Variants in WASHC5 observed in about 807,000 individuals in gnomAD.
WASHC5 encodes the protein WASH complex subunit strumpellin.
A neutral mutation model predicts 150.4 loss-of-function variants in WASHC5; 101 were observed. That is an observed-to-expected ratio of 0.67 (90% CI 0.57 to 0.79). The LOEUF (loss-of-function observed/expected upper bound fraction) is 0.79. Among genes scored for constraint, WASHC5 ranks in the 30% least tolerant of loss-of-function variants. The pLI, the probability that WASHC5 is intolerant of heterozygous loss-of-function variation, is 0.00. For synonymous variants in WASHC5, 467 were observed against 491.2 expected (o/e 0.95, Z 0.65); for missense variants, 1,195 against 1,396.3 (o/e 0.86, Z 2.30).
chr8:125,043,749 G>T, intron 23 of WASHC5, 76 bp downstream of exon 23: 3 of 987,694 alleles, frequency 3.0e-6, no homozygotes, highest in Non-Finnish European at 4.7e-6. Flanking sequence ...AGCTTTTTTT[G>T]GGCAACAAAG....
intron 23 of WASHC5, among the ~76,000 whole-genome samples, chr8:125,040,511 C>A (rs946421135): frequency 6.6e-6 from 1 of 152,152 alleles, no homozygotes; most frequent in Admixed American, 6.5e-5. Context: ...GCTGTGCCCC[C>A]ACCCAAATTT....
At position 125,083,139 on chromosome 8, in the gene WASHC5, T is replaced by C; in HGVS notation, c.306A>G (p.Val102=). 6.4e-7 allele frequency: 1 copy of C among 1,556,926 alleles called. No individual in the cohort carries two copies. Among genetic ancestry groups the C allele is most frequent in the Non-Finnish European group, 8.9e-7 (1 of 1,128,810 alleles). Residue 102 remains valine, a synonymous_variant, in exon 3 of 29, where the codon GTA becomes GTG. Transcript: ENST00000318410. The part of the protein sequence containing the change: ...VTRFYLAFQS[V]HKYIVDLNRY... ...TGTTTAAGTCTACAATATATTTATG[T>C]ACACTTTGAAATGCTAAATAAAATC... is the stretch of plus-strand genomic sequence containing the variant.
At chr8:125,051,738 T>TTAG (rs1327567183) in intron 17 of WASHC5, among the ~76,000 whole-genome samples, 9 of 152,008 alleles carry the variant, frequency 5.9e-5, no homozygotes, top group Non-Finnish European at 1.0e-4. Context: ...AAATACAAAA[T>TTAG]TAGTCGGGCG....
intron 28 of WASHC5, 122 bp downstream of exon 28, chr8:125,028,498 G>A: frequency 5.8e-6 from 4 of 694,280 alleles, no homozygotes; most frequent in South Asian, 4.5e-5. Flanking sequence ...GAGCAGTGGC[G>A]AGAGGCGCAG....
At chr8:125,058,958 A>G (rs1385861405) in intron 14 of WASHC5, among the ~76,000 whole-genome samples, 1 of 152,198 alleles carries the variant, frequency 6.6e-6, no homozygotes, top group Non-Finnish European at 1.5e-5. Flanking sequence ...TAGTACACAG[A>G]TAAAACTTAA....
At chr8:125,047,639 T>C (rs746513225) in intron 19 of WASHC5, among the ~76,000 whole-genome samples, 1 of 152,106 alleles carries the variant, frequency 6.6e-6, no homozygotes, top group African/African-American at 2.4e-5. Context: ...GGTTTCACCA[T>C]GTTGGCTAGG....
chr8:125,035,667 A>T (rs1029837487), intron 26 of WASHC5, among the ~76,000 whole-genome samples: 2 of 152,224 alleles, frequency 1.3e-5, no homozygotes, highest in Non-Finnish European at 2.9e-5. Flanking sequence ...TACAGCAAGT[A>T]TTGTTTGAGG....
intron 15 of WASHC5, among the ~76,000 whole-genome samples, chr8:125,057,211 T>C (rs185280421): frequency 4.9e-4 from 74 of 152,330 alleles, no homozygotes; most frequent in Non-Finnish European, 8.8e-4. Flanking sequence ...AAACCTGAAC[T>C]GGGCTCTGAC....
chr8:125,090,670 T>C (rs1354248724), intron 1 of WASHC5, among the ~76,000 whole-genome samples: 2 of 152,212 alleles, frequency 1.3e-5, no homozygotes, highest in African/African-American at 2.4e-5. Flanking sequence ...CTTACACCAA[T>C]TACCCTGAGT....
Position 125,057,578 on chromosome 8 carries a change from T to C in WASHC5, c.1853A>G (p.Glu618Gly), listed in dbSNP as rs1467718641. ...LLSVSQYYSG[E>G]LVSYVRKVLQ... ...TACTTTTCTCACATAGGATACCAACTCTCCAGAATAGTACTGTGACACGCT... is the reference window on the plus strand; with the variant it reads ...TACTTTTCTCACATAGGATACCAACCCTCCAGAATAGTACTGTGACACGCT... The change falls in exon 15 of 29, where the codon GAG becomes GGG. Residue 618 changes from glutamate (E) to glycine (G), a missense_variant. Around this residue, in one of 3 missense-constraint regions of WASHC5, gnomAD observed 997 missense variants for 1,168.1 expected, o/e 0.85. Coordinates refer to ENST00000318410, the MANE Select transcript of WASHC5 (RefSeq NM_014846.4). 1.9e-6 allele frequency: 3 copies of C among 1,610,062 alleles called. No individual in the cohort carries two copies. In the African/African-American group the frequency reaches 4.0e-5, roughly 22 times the overall value.
At chr8:125,044,778 C>G in intron 20 of WASHC5, 80 bp from the exon 21 acceptor site, 1 of 1,370,254 alleles carries the variant, frequency 7.3e-7, no homozygotes, top group Non-Finnish European at 1.0e-6. Context: ...ACAGGACATG[C>G]GGCACCAAAT....
intron 10 of WASHC5, among the ~76,000 whole-genome samples, 179 bp from the exon 11 acceptor site, chr8:125,063,830 G>T (rs370471626): frequency 6.6e-6 from 1 of 152,118 alleles, no homozygotes; most frequent in Non-Finnish European, 1.5e-5. Context: ...CAGGGACAAA[G>T]CCAGACCACC....
At chr8:125,067,755 G>A in intron 9 of WASHC5, 36 bp from the exon 10 acceptor site, 1 of 1,605,634 alleles carries the variant, frequency 6.2e-7, no homozygotes, top group African/African-American at 1.3e-5. Flanking sequence ...CTTACTAAAT[G>A]TGTAGAAAAT....
At chr8:125,074,942 C>T (rs2130172143) in intron 8 of WASHC5, 56 bp downstream of exon 8, 12 of 998,582 alleles carry the variant, frequency 1.2e-5, no homozygotes, top group Non-Finnish European at 1.9e-5. Context: ...AGCTTATTTG[C>T]TACTTCATAA....
intron 23 of WASHC5, among the ~76,000 whole-genome samples, chr8:125,041,378 G>A (rs1815881104): frequency 1.3e-5 from 2 of 152,282 alleles, no homozygotes; most frequent in South Asian, 4.1e-4. Flanking sequence ...AGGGGCTCAC[G>A]CCTGCAATCC....
intron 8 of WASHC5, 68 bp from the exon 9 acceptor site, chr8:125,073,392 T>A: frequency 7.9e-7 from 1 of 1,266,658 alleles, no homozygotes; most frequent in Admixed American, 1.8e-5. Context: ...CACATTCAAA[T>A]GAATTCACTG....
intron 26 of WASHC5, among the ~76,000 whole-genome samples, chr8:125,036,601 G>T (rs988635798): frequency 3.5e-5 from 5 of 144,224 alleles, no homozygotes; most frequent in African/African-American, 1.5e-4. Flanking sequence ...GAGCACGAGA[G>T]GTCAAGGCCA....
intron 7 of WASHC5, among the ~76,000 whole-genome samples, chr8:125,075,385 T>C (rs1353975426): frequency 1.3e-5 from 2 of 151,926 alleles, no homozygotes; most frequent in Non-Finnish European, 2.9e-5. Flanking sequence ...TTCTCACCAG[T>C]TGTTTTATTG....
chr8:125,063,684 A>C lies in WASHC5; in HGVS notation c.1279-33T>G, dbSNP rs1440316191. The C allele has an allele frequency of 2.5e-6, 4 of 1,608,386 alleles. No individual in the cohort carries two copies. The Admixed American group carries it at 5.0e-5, about 20-fold the overall frequency. On this transcript the variant is annotated intron_variant, in intron 10 of 28. Transcript: ENST00000318410. ...AGCAACAGAAAATATTTATTTACTT[A>C]AGAGAAAAATCCAGACTAGGCAGCT...
Sources: allele counts gnomAD v4.1 joint callset (sites outside exome capture counted in the v4.1 genomes callset), GRCh38; gene constraint gnomAD v4.1.1; regional missense constraint gnomAD v4.1.1; transcripts MANE v1.5; gene names NCBI Gene and HGNC (gene_info 2026-07-23, HGNC 2026-07-21).